MFHAS1: variants seen among roughly 807,000 people sequenced by gnomAD.
The protein encoded by MFHAS1 is multifunctional ROCO family signaling regulator 1.
MFHAS1 carries 50 observed loss-of-function variants against 70.4 expected under a neutral mutation model. The observed-to-expected ratio is 0.71, with a 90% confidence interval of 0.57 to 0.90. The LOEUF is 0.90. Among genes scored for constraint, MFHAS1 ranks in the 40% least tolerant of loss-of-function variants. The pLI is 0.00. For missense variants in MFHAS1, 1,795 were observed against 1,347.6 expected (o/e 1.33, Z -5.20); for synonymous variants, 952 against 620.0 (o/e 1.54, Z -7.96).
chr8:8,843,015 C>T (rs1423311530), intron 1 of MFHAS1, among the ~76,000 whole-genome samples: 1 of 152,136 alleles, frequency 6.6e-6, no homozygotes, highest in African/African-American at 2.4e-5. Flanking sequence ...CCTGTAATCC[C>T]AGCACTTTGG....
chr8:8,838,017 C>A (rs182633714), intron 1 of MFHAS1, among the ~76,000 whole-genome samples: 1 of 152,198 alleles, frequency 6.6e-6, no homozygotes, highest in South Asian at 2.1e-4. Flanking sequence ...TCACCCCAAA[C>A]TGGAAACAGC....
intron 1 of MFHAS1, among the ~76,000 whole-genome samples, chr8:8,860,411 G>A (rs753785707): frequency 6.6e-6 from 1 of 152,210 alleles, no homozygotes. Context: ...AAATACGCCA[G>A]TTAGGAAACT....
intron 1 of MFHAS1, among the ~76,000 whole-genome samples, chr8:8,851,521 T>C (rs1024271149): frequency 2.0e-5 from 3 of 152,240 alleles, no homozygotes; most frequent in Non-Finnish European, 4.4e-5. Flanking sequence ...ACAAGTTTGC[T>C]TGGCAGCTTA....
At chr8:8,794,421 G>C (rs1805823897) in intron 2 of MFHAS1, among the ~76,000 whole-genome samples, 1 of 152,100 alleles carries the variant, frequency 6.6e-6, no homozygotes, top group Admixed American at 6.6e-5. Flanking sequence ...CCCATGAATG[G>C]GACCTTCCCC....
chr8:8,886,658 G>C, intron 1 of MFHAS1, among the ~76,000 whole-genome samples: 1 of 152,096 alleles, frequency 6.6e-6, no homozygotes, highest in Admixed American at 6.5e-5. Context: ...AATCAAGAGA[G>C]ACAGTAATTT....
At chr8:8,837,744 G>T (rs572839978) in intron 1 of MFHAS1, among the ~76,000 whole-genome samples, 27 of 152,142 alleles carry the variant, frequency 1.8e-4, no homozygotes, top group African/African-American at 6.0e-4. Flanking sequence ...CACCCATTAG[G>T]AGGGCTACTA....
intron 1 of MFHAS1, among the ~76,000 whole-genome samples, chr8:8,842,748 G>A (rs73190070): frequency 0.16 from 24,313 of 152,052 alleles, 2,067 homozygotes; most frequent in South Asian, 0.22. Flanking sequence ...GTTAAAGCTA[G>A]AGAAGCAATG....
At chr8:8,842,571 C>A (rs1293852662) in intron 1 of MFHAS1, among the ~76,000 whole-genome samples, 1 of 152,126 alleles carries the variant, frequency 6.6e-6, no homozygotes, top group Admixed American at 6.6e-5. Context: ...ACGTGTAAAT[C>A]GCACTAGAAG....
At chr8:8,821,854 A>G (rs542779279) in intron 1 of MFHAS1, 1 of 152,368 alleles carries the variant, frequency 6.6e-6, no homozygotes, top group African/African-American at 2.4e-5. Context: ...GAAATCACTG[A>G]TTAACTGTGG....
At chr8:8,816,129 C>A (rs975914583) in intron 1 of MFHAS1, among the ~76,000 whole-genome samples, 1 of 152,200 alleles carries the variant, frequency 6.6e-6, no homozygotes, top group East Asian at 1.9e-4. Flanking sequence ...TGACAGGAAG[C>A]AGATCAGTGG....
chr8:8,793,290 A>G (rs1449985431), intron 2 of MFHAS1, among the ~76,000 whole-genome samples: 2 of 152,290 alleles, frequency 1.3e-5, no homozygotes, highest in African/African-American at 2.4e-5. Context: ...TCATTTAAAA[A>G]AGGCCAATCA....
In MFHAS1 at chr8:8,891,515, G is replaced by A; in HGVS notation, c.1544C>T (p.Thr515Ile). The stretch of plus-strand genomic sequence containing the variant: ...GACCCGATGCAAGAAGGAGCCCACG[G>A]TGGTAGGAAAGTGGCGAGGCTCATA... Reference protein sequence around the residue: ...ATYEPRHFPTTVGSFLHRVGA... With the variant: ...ATYEPRHFPTIVGSFLHRVGA... The change falls in exon 1 of 3, where the codon ACC (threonine) becomes ATC (isoleucine). Residue 515 changes from threonine to isoleucine, a missense_variant. Coordinates refer to ENST00000276282, the MANE Select transcript of MFHAS1 (RefSeq NM_004225.3). This position sits in a 1 kb window ranked among gnomAD's most constrained non-coding sequence, Gnocchi z 5.4. The A allele has an allele frequency of 6.2e-7, 1 of 1,613,102 alleles. No homozygotes were observed. The highest frequency in any genetic ancestry group is 8.5e-7 in the Non-Finnish European group (1 of 1,180,040).
intron 1 of MFHAS1, among the ~76,000 whole-genome samples, chr8:8,847,967 A>G (rs533183433): frequency 2.0e-5 from 3 of 152,366 alleles, no homozygotes; most frequent in East Asian, 3.9e-4. Flanking sequence ...CACATGTAAC[A>G]TTAAAAACAC....
chr8:8,863,634 TCCTA>T (rs1280565065), intron 1 of MFHAS1, among the ~76,000 whole-genome samples: 1 of 152,176 alleles, frequency 6.6e-6, no homozygotes, highest in Non-Finnish European at 1.5e-5. Flanking sequence ...ACCATCTGAT[TCCTA>T]CCTATTTGGA....
At chr8:8,844,188 A>C (rs1338794643) in intron 1 of MFHAS1, among the ~76,000 whole-genome samples, 2 of 152,236 alleles carry the variant, frequency 1.3e-5, no homozygotes, top group African/African-American at 2.4e-5. Flanking sequence ...TTTGTCATCC[A>C]AAGAAACAGG....
chr8:8,797,275 G>C (rs923291709), intron 2 of MFHAS1, 90 bp downstream of exon 2: 4 of 1,482,574 alleles, frequency 2.7e-6, no homozygotes, highest in Non-Finnish European at 3.7e-6. Context: ...GGTTTGTGCA[G>C]ATGCAGTTTA....
chr8:8,893,096 G>C lies in MFHAS1; in HGVS notation c.-38C>G. 2 of 1,403,642 alleles carry C rather than the reference G, an allele frequency of 1.4e-6. No homozygotes were observed. Among genetic ancestry groups the C allele is most frequent in the Non-Finnish European group, 1.9e-6 (2 of 1,078,068 alleles). The allele number at this position is 1,403,642 out of a possible 1,614,324, so 86.9% of individuals were successfully genotyped here. A position where few individuals can be genotyped will look rare whatever the true frequency, so the allele number is the denominator to read the frequency against. ...GGCCGACAGCCTCACGCGGACGCGG[G>C]AGCCCGCAGCTACATGCCGCGCCGC... On this transcript the variant is annotated 5_prime_UTR_variant, in exon 1 of 3. Transcript: ENST00000276282.
chr8:8,795,754 G>T (rs926288307), intron 2 of MFHAS1, among the ~76,000 whole-genome samples: 5 of 152,216 alleles, frequency 3.3e-5, no homozygotes, highest in Non-Finnish European at 7.3e-5. Flanking sequence ...GGGTGAGATG[G>T]ATGCCTGTCA....
At chr8:8,832,159 G>T (rs1472698099) in intron 1 of MFHAS1, among the ~76,000 whole-genome samples, 1 of 149,670 alleles carries the variant, frequency 6.7e-6, no homozygotes. Context: ...TCTAGGTGAA[G>T]GTCTTCTTAA....
Sources: allele counts gnomAD v4.1 joint callset (sites outside exome capture counted in the v4.1 genomes callset), GRCh38; gene constraint gnomAD v4.1.1; non-coding constraint Gnocchi (gnomAD v3.1); transcripts MANE v1.5; gene names NCBI Gene and HGNC (gene_info 2026-07-23, HGNC 2026-07-21).